Variants in ARHGAP12 observed in about 807,000 individuals in gnomAD.
The protein encoded by ARHGAP12 is rho GTPase-activating protein 12.
ARHGAP12 carries 64 observed loss-of-function variants against 108.6 expected under a neutral mutation model. The ratio of observed to expected loss-of-function variants is 0.59; its 90% CI spans 0.48 to 0.73. The LOEUF is 0.73. Ranked by LOEUF, ARHGAP12 falls within the 30% of genes least tolerant of loss-of-function variation. ARHGAP12 has a pLI of 0.00. For synonymous variants in ARHGAP12, 312 were observed against 337.2 expected, an observed-to-expected ratio of 0.93 and a Z score of 0.82; for missense variants, 940 against 1,005.9, an observed-to-expected ratio of 0.93 and a Z score of 0.89.
At position 31,854,085 on chromosome 10, in the gene ARHGAP12, C is replaced by T; in HGVS notation, c.1070G>A (p.Ser357Asn). The T allele has an allele frequency of 6.2e-7, 1 of 1,610,008 alleles. No individual in the cohort carries two copies. Among genetic ancestry groups the T allele is most frequent in the South Asian group, 1.1e-5 (1 of 89,706 alleles). The change falls in exon 5 of 20, where the codon AGT (serine) becomes AAT (asparagine). Residue 357 changes from serine to asparagine, a missense_variant. Transcript: ENST00000344936. ...ATGTACCTTTTCATTAGTATAGTCACTGGTATATAAGGTATGCCCACGTTC... is the reference window on the plus strand; with the variant it reads ...ATGTACCTTTTCATTAGTATAGTCATTGGTATATAAGGTATGCCCACGTTC... ...LDERGHTLYT[S>N]DYTNEKWLKH...
chr10:31,841,504 C>G (rs575239365), intron 7 of ARHGAP12, among the ~76,000 whole-genome samples: 1 of 152,160 alleles, frequency 6.6e-6, no homozygotes, highest in East Asian at 1.9e-4. Flanking sequence ...TGCACAGAGG[C>G]ATCTAGCCCC....
At chr10:31,884,724 A>G (rs1006877750) in intron 3 of ARHGAP12, among the ~76,000 whole-genome samples, 5 of 152,210 alleles carry the variant, frequency 3.3e-5, no homozygotes, top group Non-Finnish European at 7.3e-5. Context: ...ATGTTGAAAC[A>G]TTTCATTACA....
chr10:31,828,369 G>C (rs926769870), intron 10 of ARHGAP12, among the ~76,000 whole-genome samples: 4 of 151,908 alleles, frequency 2.6e-5, no homozygotes, highest in African/African-American at 9.7e-5. Flanking sequence ...TGATATTATA[G>C]ATGGTGCTTT....
intron 3 of ARHGAP12, among the ~76,000 whole-genome samples, chr10:31,906,532 C>T (rs1839139204): frequency 1.3e-5 from 2 of 152,130 alleles, no homozygotes; most frequent in South Asian, 4.1e-4. Flanking sequence ...CCATGGCTTT[C>T]ATATTTGCTG....
intron 1 of ARHGAP12, among the ~76,000 whole-genome samples, chr10:31,911,182 C>A (rs1331690594): frequency 6.6e-6 from 1 of 152,146 alleles, no homozygotes; most frequent in Non-Finnish European, 1.5e-5. Context: ...AGCCACCATG[C>A]CCAGCTAATT....
chr10:31,884,744 G>A (rs1295257152), intron 3 of ARHGAP12, among the ~76,000 whole-genome samples: 1 of 152,108 alleles, frequency 6.6e-6, no homozygotes, highest in East Asian at 1.9e-4. Context: ...ACAACATTAA[G>A]AACAAACAAC....
chr10:31,899,711 C>CA (rs1236127475), intron 3 of ARHGAP12, among the ~76,000 whole-genome samples: 1 of 151,994 alleles, frequency 6.6e-6, no homozygotes, highest in African/African-American at 2.4e-5. Context: ...ACACCTTTCA[C>CA]AAAAAATTAA....
At chr10:31,841,382 T>C (rs1395158997) in intron 7 of ARHGAP12, among the ~76,000 whole-genome samples, 6 of 152,280 alleles carry the variant, frequency 3.9e-5, no homozygotes, top group Admixed American at 2.0e-4. Context: ...TGACTTATGA[T>C]TGTTCAACTT....
chr10:31,924,589 AGTTT>A (rs749878995), intron 1 of ARHGAP12, among the ~76,000 whole-genome samples: 4 of 152,176 alleles, frequency 2.6e-5, no homozygotes, highest in Non-Finnish European at 4.4e-5. Context: ...GTTGAATGTT[AGTTT>A]ATTTTATGTA....
chr10:31,813,849 G>A (rs1346476601), intron 14 of ARHGAP12, among the ~76,000 whole-genome samples: 1 of 152,120 alleles, frequency 6.6e-6, no homozygotes, highest in Non-Finnish European at 1.5e-5. Context: ...GTCCAGAGAT[G>A]GATGCCTGGT....
At chr10:31,865,503 A>G (rs935124388) in intron 3 of ARHGAP12, among the ~76,000 whole-genome samples, 1 of 152,130 alleles carries the variant, frequency 6.6e-6, no homozygotes, top group Non-Finnish European at 1.5e-5. Context: ...CATTAGGTTG[A>G]TAAGTCTTTT....
intron 1 of ARHGAP12, among the ~76,000 whole-genome samples, chr10:31,915,504 A>C (rs955564520): frequency 6.6e-6 from 1 of 151,878 alleles, no homozygotes; most frequent in African/African-American, 2.4e-5. Context: ...AGGAGGAATA[A>C]ATTTCAAGAG....
intron 7 of ARHGAP12, among the ~76,000 whole-genome samples, chr10:31,842,502 T>C (rs1407847872): frequency 6.6e-6 from 1 of 152,096 alleles, no homozygotes; most frequent in Non-Finnish European, 1.5e-5. Context: ...TATTAGTCCA[T>C]CTTATACACA....
intron 4 of ARHGAP12, among the ~76,000 whole-genome samples, chr10:31,855,103 GA>G (rs1361827536): frequency 1.1e-5 from 1 of 91,670 alleles, no homozygotes; most frequent in African/African-American, 4.1e-5. Context: ...GAGGGGAGGG[GA>G]GGGGAGGGAG....
chr10:31,844,938 T>G (rs1471526035), intron 6 of ARHGAP12, among the ~76,000 whole-genome samples: 2 of 152,300 alleles, frequency 1.3e-5, no homozygotes, highest in African/African-American at 2.4e-5. Context: ...GGAAGGGATA[T>G]TAAATGGAAA....
At chr10:31,890,791 G>A (rs756889170) in intron 3 of ARHGAP12, among the ~76,000 whole-genome samples, 4 of 151,980 alleles carry the variant, frequency 2.6e-5, no homozygotes, top group African/African-American at 9.7e-5. Context: ...AAACAAAAAG[G>A]ACTTTATACC....
chr10:31,908,453 T>C lies in ARHGAP12; in HGVS notation c.403A>G (p.Asn135Asp). 6.2e-7 allele frequency: 1 copy of C among 1,614,226 alleles called. No individual in the cohort carries two copies. Among genetic ancestry groups the C allele is most frequent in the Non-Finnish European group, 8.5e-7 (1 of 1,180,030 alleles). Residue 135 changes from asparagine to aspartate, a missense_variant, in exon 3 of 20, where the codon AAT becomes GAT. Asn to Asp is a conservative substitution (Grantham distance 23). Coordinates refer to ENST00000344936, the MANE Select transcript of ARHGAP12 (RefSeq NM_018287.7). ...GTGLIRDANQ[N>D]FGPSYNQGQT... The stretch of plus-strand genomic sequence containing the variant: ...CCTTGATTATAACTGGGTCCAAAAT[T>C]CTGATTGGCATCACGAATAAGACCT...
chr10:31,815,538 C>G (rs185771706), intron 13 of ARHGAP12, among the ~76,000 whole-genome samples: 13 of 152,038 alleles, frequency 8.6e-5, no homozygotes, highest in Middle Eastern at 3.4e-3. Context: ...TCAAGAGTGT[C>G]TTAGGTATTC....
At chr10:31,827,798 A>AAAAAAC (rs1196688628) in intron 10 of ARHGAP12, among the ~76,000 whole-genome samples, 3 of 151,770 alleles carry the variant, frequency 2.0e-5, no homozygotes, top group Non-Finnish European at 2.9e-5. Context: ...CACCCAGAAA[A>AAAAAAC]AAAAACAAAA....
Sources: gnomAD v4.1 joint callset for allele counts (sites outside exome capture counted in the v4.1 genomes callset) on GRCh38, gnomAD v4.1.1 for gene constraint, MANE v1.5 for transcripts, NCBI Gene and HGNC (gene_info 2026-07-23, HGNC 2026-07-21) for gene names.